Variants in NAALAD2 observed in about 807,000 individuals in gnomAD.
NAALAD2 encodes the protein N-acetylated-alpha-linked acidic dipeptidase 2.
NAALAD2 carries 89 observed loss-of-function variants against 95.6 expected under a neutral mutation model. The observed-to-expected ratio is 0.93, with a 90% CI of 0.78 to 1.11. The LOEUF (loss-of-function observed/expected upper bound fraction) is 1.11. Ranked by LOEUF, NAALAD2 falls within the 50% of genes least tolerant of loss-of-function variation. The probability of loss-of-function intolerance (pLI) is 0.00; values close to 1 mark genes in which losing one functional copy is unlikely to be tolerated. For synonymous variants in NAALAD2, 264 were observed against 294.4 expected (o/e 0.90, Z 1.06); for missense variants, 894 against 872.4 (o/e 1.02, Z -0.31).
chr11:90,135,634 C>G lies in NAALAD2; in HGVS notation c.158C>G (p.Ser53Cys). ...YHQSIRWKLV[S>C]EMKAENIKSF... is the part of the protein sequence containing the mutation. ...CAAAGTATACGGTGGAAACTGGTAT[C>G]CGAAATGAAAGCTGAAAACATCAAA... Residue 53 changes from serine (S) to cysteine (C), a missense_variant, in exon 2 of 19, where the codon TCC (serine) becomes TGC (cysteine). By Grantham distance (112) the Ser-to-Cys change is moderately radical. Coordinates refer to ENST00000534061, the MANE Select transcript of NAALAD2 (RefSeq NM_005467.4). 1 of 1,613,290 alleles carries G rather than the reference C, an allele frequency of 6.2e-7. No individual in the cohort carries two copies. The highest frequency in any genetic ancestry group is 8.5e-7 in the Non-Finnish European group (1 of 1,179,618).
At chr11:90,185,655 A>G (rs1857115843) in intron 18 of NAALAD2, among the ~76,000 whole-genome samples, 1 of 152,112 alleles carries the variant, frequency 6.6e-6, no homozygotes, top group African/African-American at 2.4e-5. Flanking sequence ...ACAATCTCTA[A>G]GATTTTTTTT....
At chr11:90,177,829 C>A in intron 15 of NAALAD2, 24 bp from the exon 16 acceptor site, 1 of 1,580,382 alleles carries the variant, frequency 6.3e-7, no homozygotes, top group South Asian at 1.2e-5. Context: ...TTTATTTATA[C>A]TTGCCTCTCC....
In NAALAD2 at chr11:90,159,269, G is replaced by C. The variant is rs749112481; in HGVS notation, c.921G>C (p.Lys307Asn). The C allele has an allele frequency of 6.2e-7, 1 of 1,613,748 alleles. No homozygotes were observed. The highest frequency in any genetic ancestry group is 8.5e-7 in the Non-Finnish European group (1 of 1,179,792). ...TGGGAGGAATTGCTCCACCAGATAA[G>C]AGTTGGAAGGGAGCCCTTAATGTGA... is the stretch of plus-strand genomic sequence containing the variant. Reference protein sequence around the residue: ...RYLGGIAPPDKSWKGALNVSY... With the variant: ...RYLGGIAPPDNSWKGALNVSY... The change falls in exon 8 of 19, where the codon AAG (lysine) becomes AAC (asparagine). Residue 307 changes from lysine to asparagine, a missense_variant. Physicochemically the swap from Lys to Asn is moderately conservative, Grantham distance 94. Transcript: ENST00000534061.
intron 2 of NAALAD2, among the ~76,000 whole-genome samples, chr11:90,146,912 A>G (rs1951762581): frequency 6.6e-6 from 1 of 152,206 alleles, no homozygotes; most frequent in Non-Finnish European, 1.5e-5. Flanking sequence ...GATACAATCA[A>G]CAGTAGAAAT....
rs1394151368 is a variant in NAALAD2 at position 90,155,577 on chromosome 11, A to G, written c.797-2568A>G. ...TAATGTGTAATATATAATATATAAT[A>G]TATATGTAATATATATGTAATAATA... On this transcript the variant is annotated intron_variant, in intron 6 of 18. Transcript: ENST00000534061. Among the ~76,000 whole-genome samples, 3 of 79,228 alleles carry G rather than the reference A, an allele frequency of 3.8e-5. No homozygotes were observed. In the East Asian group the frequency reaches 9.4e-4, roughly 25 times the overall value. The allele number at this position is 79,228 out of a possible 152,430, so 52.0% of individuals were successfully genotyped here.
chr11:90,173,825 T>G lies in NAALAD2; in HGVS notation c.1412T>G (p.Ile471Ser), dbSNP rs780119685. 1 of 1,607,902 alleles carries G rather than the reference T, an allele frequency of 6.2e-7. No homozygotes were observed. Among genetic ancestry groups the G allele is most frequent in the Admixed American group, 1.7e-5 (1 of 58,614 alleles). The change falls in exon 14 of 19, where the codon ATC (isoleucine) becomes AGC (serine). Residue 471 changes from isoleucine to serine, a missense_variant and splice_region_variant. Coordinates refer to ENST00000534061, the MANE Select transcript of NAALAD2 (RefSeq NM_005467.4). ...YQLVYKLTKE[I>S]PSPDDGFESK... ...CCAGTATTTGATTTCTCTTTCCAGA[T>G]CCCCAGCCCTGATGATGGGTTTGAG...
At chr11:90,141,688 G>T (rs11018873) in intron 2 of NAALAD2, among the ~76,000 whole-genome samples, 2 of 152,084 alleles carry the variant, frequency 1.3e-5, no homozygotes. Context: ...GGAGTTAAGC[G>T]ATCCTCCCAC....
chr11:90,157,570 G>A (rs1293510922), intron 6 of NAALAD2, among the ~76,000 whole-genome samples: 1 of 151,994 alleles, frequency 6.6e-6, no homozygotes, highest in African/African-American at 2.4e-5. Flanking sequence ...AGAGATCCTT[G>A]AGGAAATAAA....
rs184751380 is a variant in NAALAD2 at position 90,177,527 on chromosome 11, G to A, written c.1594-326G>A. 7.1e-5 allele frequency among the ~76,000 whole-genome samples: 10 copies of A among 141,438 alleles called. No homozygotes were observed. The East Asian group carries it at 1.7e-3, about 24-fold the overall frequency. The allele number at this position is 141,438 out of a possible 152,430, so 92.8% of individuals were successfully genotyped here. Reference sequence around the variant, plus strand: ...TGGCTATAGTGTTTTCGTTATTAGCGTTTTGCCTCCTTGTGGTAAAACTCA... The same window carrying A: ...TGGCTATAGTGTTTTCGTTATTAGCATTTTGCCTCCTTGTGGTAAAACTCA... On this transcript the variant is annotated intron_variant, in intron 15 of 18. Coordinates refer to ENST00000534061, the MANE Select transcript of NAALAD2 (RefSeq NM_005467.4).
chr11:90,136,601 T>C (rs909792403), intron 2 of NAALAD2, among the ~76,000 whole-genome samples: 1 of 152,192 alleles, frequency 6.6e-6, no homozygotes, highest in Non-Finnish European at 1.5e-5. Context: ...TTCATCTAGA[T>C]TGTTGCATGC....
chr11:90,190,078 T>C (rs2135003640), intron 18 of NAALAD2, among the ~76,000 whole-genome samples: 1 of 152,322 alleles, frequency 6.6e-6, no homozygotes, highest in Non-Finnish European at 1.5e-5. Flanking sequence ...GATCATTTCT[T>C]TTAGCTTGCT....
chr11:90,137,436 T>C (rs1340703364), intron 2 of NAALAD2, among the ~76,000 whole-genome samples: 1 of 152,218 alleles, frequency 6.6e-6, no homozygotes, highest in Non-Finnish European at 1.5e-5. Flanking sequence ...ATTTGATCAT[T>C]ACTTATTGTA....
At chr11:90,163,452 G>A (rs531138135) in intron 10 of NAALAD2, 23 bp downstream of exon 10, 15 of 1,613,360 alleles carry the variant, frequency 9.3e-6, no homozygotes, top group Non-Finnish European at 1.2e-5. Flanking sequence ...TCTTTCCTAG[G>A]TGATGACAAA....
Position 90,191,620 on chromosome 11 carries a change from A to T in NAALAD2, c.2096A>T (p.Tyr699Phe). 1 of 1,606,556 alleles carries T rather than the reference A, an allele frequency of 6.2e-7. No individual in the cohort carries two copies. Among genetic ancestry groups the T allele is most frequent in the Non-Finnish European group, 8.5e-7 (1 of 1,176,462 alleles). The change falls in exon 19 of 19, where the codon TAT becomes TTT. Residue 699 changes from tyrosine (Y) to phenylalanine (F), a missense_variant. Physicochemically the swap from Tyr to Phe is conservative, Grantham distance 22. Transcript: ENST00000534061. ...KYAGESFPGIYDAIFDIENKA... is the reference protein window; with the variant it reads ...KYAGESFPGIFDAIFDIENKA... The stretch of plus-strand genomic sequence containing the variant: ...GCTGGAGAATCATTTCCTGGAATCT[A>T]TGATGCTATCTTTGATATTGAAAAT...
At position 90,192,614 on chromosome 11, in the gene NAALAD2, CT is replaced by C. The variant is rs1565161191; in HGVS notation, c.*868del. On this transcript the variant is annotated 3_prime_UTR_variant, in exon 19 of 19. Transcript: ENST00000534061. ...ATAAACGTGATTATAAAAAACAAGT[CT>C]GCAAGGAAACCAGAATCATATACCT... The C allele has an allele frequency of 6.6e-6, 1 of 151,956 alleles. No individual in the cohort carries two copies. Among genetic ancestry groups the C allele is most frequent in the East Asian group, 1.9e-4 (1 of 5,200 alleles). The allele number at this position is 151,956 out of a possible 1,614,324, so 9.4% of individuals were successfully genotyped here.
chr11:90,189,352 T>C (rs943908106), intron 18 of NAALAD2, among the ~76,000 whole-genome samples: 2 of 152,182 alleles, frequency 1.3e-5, no homozygotes, highest in Admixed American at 1.3e-4. Context: ...AGCAGCAATA[T>C]AAAATGAACA....
At chr11:90,175,423 TTTTA>T (rs1952760276) in intron 14 of NAALAD2, among the ~76,000 whole-genome samples, 1 of 152,226 alleles carries the variant, frequency 6.6e-6, no homozygotes, top group Non-Finnish European at 1.5e-5. Flanking sequence ...ATGTCTTACA[TTTTA>T]TTTATGTATA....
chr11:90,164,979 C>G (rs1038046012), intron 11 of NAALAD2, among the ~76,000 whole-genome samples: 1 of 152,172 alleles, frequency 6.6e-6, no homozygotes, highest in Non-Finnish European at 1.5e-5. Flanking sequence ...TCCCACCTTC[C>G]ACCCTTTGAA....
In NAALAD2 at chr11:90,148,663, ATAT is replaced by A. The variant is rs1445175633; in HGVS notation, c.382-338_382-336del. On this transcript the variant is annotated intron_variant, in intron 3 of 18. Coordinates refer to ENST00000534061, the MANE Select transcript of NAALAD2 (RefSeq NM_005467.4). ...TGGGCTGGGGATAAAACATGGGGAA[ATAT>A]TATTTAAATAAAGATGAAAGAAAAG... Among the ~76,000 whole-genome samples the A allele has an allele frequency of 2.0e-5, 3 of 152,234 alleles. No individual in the cohort carries two copies. The East Asian group carries it at 5.8e-4, about 29-fold the overall frequency.
Sources: gnomAD v4.1 joint callset for allele counts (sites outside exome capture counted in the v4.1 genomes callset) on GRCh38, gnomAD v4.1.1 for gene constraint, MANE v1.5 for transcripts, NCBI Gene and HGNC (gene_info 2026-07-23, HGNC 2026-07-21) for gene names.